CARNMT1: variants seen among roughly 807,000 people sequenced by gnomAD.
CARNMT1 encodes carnosine N-methyltransferase 1, also known as protein-L-histidine N-pros-methyltransferase CARNMT1.
Under a neutral mutation model 49.6 loss-of-function variants are expected in CARNMT1, and 28 were observed. The observed-to-expected ratio is 0.56, with a 90% CI of 0.42 to 0.77. The LOEUF (loss-of-function observed/expected upper bound fraction) is 0.77. Ranked by LOEUF, CARNMT1 falls within the 30% of genes least tolerant of loss-of-function variation. CARNMT1 has a pLI of 0.00. For synonymous variants in CARNMT1, 178 were observed against 175.0 expected, an observed-to-expected ratio of 1.02 and a Z score of -0.13; for missense variants, 421 against 512.6, an observed-to-expected ratio of 0.82 and a Z score of 1.73.
rs148184152 is a variant in CARNMT1, at chr9:74,989,536, A to G, written c.1025-4526T>C. 3.9e-4 allele frequency among the ~76,000 whole-genome samples: 60 copies of G among 152,232 alleles called. 3 individuals are homozygous for G. The highest frequency in any genetic ancestry group is 1.4e-3 in the African/African-American group (59 of 41,518). On this transcript the variant is annotated intron_variant, in intron 6 of 7. Transcript: ENST00000376834. ...TCTAAAAATATAGTTTACTGCTGAT[A>G]TGGTTTGCCTTTGTGCCTCCACCCA...
chr9:74,987,373 G>A (rs1050725136), intron 6 of CARNMT1, among the ~76,000 whole-genome samples: 1 of 151,818 alleles, frequency 6.6e-6, no homozygotes, highest in Non-Finnish European at 1.5e-5. Context: ...TAATAATTTG[G>A]GAATAACCCA....
Position 75,009,559 on chromosome 9 carries a change from C to T in CARNMT1, c.590+6709G>A, listed in dbSNP as rs1190048592. On this transcript the variant is annotated intron_variant, in intron 3 of 7. Transcript: ENST00000376834. ...TGAAACTTCAGAAAGCAGTAATATT[C>T]CTATATTGCCATATTTCTAGATGCA... is the stretch of plus-strand genomic sequence containing the variant. Among the ~76,000 whole-genome samples the T allele has an allele frequency of 2.0e-5, 3 of 152,082 alleles. No individual in the cohort carries two copies. The East Asian group carries it at 5.8e-4, about 29-fold the overall frequency.
chr9:75,019,484 A>G (rs1326820493), intron 1 of CARNMT1, among the ~76,000 whole-genome samples: 3 of 152,196 alleles, frequency 2.0e-5, no homozygotes, highest in Non-Finnish European at 4.4e-5. Flanking sequence ...TCCTGGATCC[A>G]GGAGAGATTA....
intron 6 of CARNMT1, among the ~76,000 whole-genome samples, chr9:74,988,910 G>A (rs986352508): frequency 3.3e-5 from 5 of 152,154 alleles, no homozygotes; most frequent in African/African-American, 4.8e-5. Context: ...TGTTTTTCTA[G>A]AAGAAAGTCA....
intron 3 of CARNMT1, among the ~76,000 whole-genome samples, chr9:75,002,336 C>T (rs566044813): frequency 6.6e-6 from 1 of 152,302 alleles, no homozygotes; most frequent in African/African-American, 2.4e-5. Flanking sequence ...CATTATGACA[C>T]TTGGCTGACC....
At chr9:75,012,320 T>C (rs548719027) in intron 3 of CARNMT1, among the ~76,000 whole-genome samples, 1 of 149,874 alleles carries the variant, frequency 6.7e-6, no homozygotes, top group African/African-American at 2.5e-5. Context: ...ATAGCCTTGC[T>C]CTACTGGCCA....
At chr9:74,984,391 C>A (rs958461335) in intron 7 of CARNMT1, among the ~76,000 whole-genome samples, 1 of 152,130 alleles carries the variant, frequency 6.6e-6, no homozygotes, top group African/African-American at 2.4e-5. Context: ...TATTGAAAGG[C>A]TATTTCACCA....
intron 2 of CARNMT1, 154 bp downstream of exon 2, chr9:75,017,099 A>C (rs924942516): frequency 4.9e-6 from 3 of 608,076 alleles, no homozygotes; most frequent in Non-Finnish European, 8.6e-6. Context: ...CTGGCTATTA[A>C]GCCTAATCAA....
rs138193977 is a variant in CARNMT1 at position 74,983,086 on chromosome 9, T to C, written c.*681A>G. 22 of 151,904 alleles carry C rather than the reference T, an allele frequency of 1.4e-4. No homozygotes were observed. The highest frequency in any genetic ancestry group is 4.6e-4 in the African/African-American group (19 of 41,340). The allele number at this position is 151,904 out of a possible 1,614,324, so 9.4% of individuals were successfully genotyped here. A position where few individuals can be genotyped will look rare whatever the true frequency, so the allele number is the denominator to read the frequency against. On this transcript the variant is annotated 3_prime_UTR_variant, in exon 8 of 8. Transcript: ENST00000376834. Reference sequence around the variant, plus strand: ...AATTAAATTAATCTGAATGATAAAATAGACACAGGCCAGGCGCGGTGGTAC... The same window carrying C: ...AATTAAATTAATCTGAATGATAAAACAGACACAGGCCAGGCGCGGTGGTAC...
At chr9:75,010,572 C>G (rs1424449814) in intron 3 of CARNMT1, among the ~76,000 whole-genome samples, 1 of 152,026 alleles carries the variant, frequency 6.6e-6, no homozygotes, top group East Asian at 1.9e-4. Context: ...TAAGAGACGA[C>G]ATGAAATGGT....
chr9:74,990,184 T>C (rs1832970596), intron 6 of CARNMT1, among the ~76,000 whole-genome samples: 1 of 152,202 alleles, frequency 6.6e-6, no homozygotes, highest in Admixed American at 6.5e-5. Context: ...GGTCAATTCA[T>C]AGACTTAAGA....
chr9:75,013,301 T>C (rs1833754730), intron 3 of CARNMT1, among the ~76,000 whole-genome samples: 1 of 152,200 alleles, frequency 6.6e-6, no homozygotes, highest in South Asian at 2.1e-4. Flanking sequence ...TTCTGCATTA[T>C]TTATATTCTA....
chr9:75,021,153 A>C (rs1334299932), intron 1 of CARNMT1, among the ~76,000 whole-genome samples: 6 of 151,200 alleles, frequency 4.0e-5, no homozygotes, highest in Admixed American at 3.3e-4. Flanking sequence ...TACTCAAAAG[A>C]TTTAGCCCAA....
At chr9:75,003,326 C>T (rs1833415780) in intron 3 of CARNMT1, among the ~76,000 whole-genome samples, 1 of 152,212 alleles carries the variant, frequency 6.6e-6, no homozygotes, top group Non-Finnish European at 1.5e-5. Context: ...AGTTTACATA[C>T]CAAGGTTCTT....
chr9:74,994,967 A>G (rs77095392), intron 6 of CARNMT1, among the ~76,000 whole-genome samples: 124 of 152,256 alleles, frequency 8.1e-4, no homozygotes, highest in African/African-American at 2.8e-3. Context: ...ACTCTTATCA[A>G]ACAGTATACT....
At chr9:75,020,095 GAA>G in intron 1 of CARNMT1, among the ~76,000 whole-genome samples, 1 of 152,238 alleles carries the variant, frequency 6.6e-6, no homozygotes, top group African/African-American at 2.4e-5. Flanking sequence ...TTCTGAGGGT[GAA>G]AGAGACAGGA....
At chr9:75,012,110 A>G (rs927801606) in intron 3 of CARNMT1, among the ~76,000 whole-genome samples, 47 of 152,254 alleles carry the variant, frequency 3.1e-4, no homozygotes, top group Admixed American at 1.4e-3. Context: ...TACCCGATGA[A>G]AGGAACTGAG....
intron 1 of CARNMT1, chr9:75,027,504 G>A (rs1822565835): frequency 2.0e-6 from 2 of 983,866 alleles, no homozygotes; most frequent in Non-Finnish European, 1.2e-6. Flanking sequence ...CAGCGCCAAA[G>A]AGGGGTGGGT....
At chr9:74,984,276 C>T (rs1484915435) in intron 7 of CARNMT1, among the ~76,000 whole-genome samples, 1 of 151,966 alleles carries the variant, frequency 6.6e-6, no homozygotes, top group Non-Finnish European at 1.5e-5. Flanking sequence ...TGTGAATATC[C>T]CTCTTACACC....
Sources: allele counts gnomAD v4.1 joint callset (sites outside exome capture counted in the v4.1 genomes callset), GRCh38; gene constraint gnomAD v4.1.1; transcripts MANE v1.5; gene names NCBI Gene and HGNC (gene_info 2026-07-23, HGNC 2026-07-21).